Variants in RPGRIP1 observed in about 807,000 individuals in gnomAD.
The protein encoded by RPGRIP1 is RPGR interacting protein 1.
RPGRIP1 carries 128 observed loss-of-function variants against 157.9 expected under a neutral mutation model. That is an observed-to-expected ratio of 0.81 (90% CI 0.70 to 0.94). The LOEUF is 0.94. Among genes scored for constraint, RPGRIP1 ranks in the 40% least tolerant of loss-of-function variants. The pLI is 0.00. For missense variants in RPGRIP1, 1,486 were observed against 1,545.8 expected (o/e 0.96, Z 0.65); for synonymous variants, 554 against 571.6 (o/e 0.97, Z 0.44).
chr14:21,294,452 A>T (rs970519115), intron 2 of RPGRIP1, among the ~76,000 whole-genome samples: 10 of 151,520 alleles, frequency 6.6e-5, no homozygotes, highest in Non-Finnish European at 1.0e-4. Context: ...CTGGACTCGA[A>T]CTCCTGACCT....
At chr14:21,300,067 G>A (rs151332199) in intron 3 of RPGRIP1, among the ~76,000 whole-genome samples, 4,145 of 152,250 alleles carry the variant, frequency 0.027, 186 homozygotes, top group African/African-American at 0.095. Flanking sequence ...AGGCCAAGGC[G>A]GGCGAATCAC....
intron 23 of RPGRIP1, among the ~76,000 whole-genome samples, chr14:21,347,566 C>A (rs1885691230): frequency 6.6e-6 from 1 of 152,008 alleles, no homozygotes; most frequent in African/African-American, 2.4e-5. Context: ...ATTTTTAGTC[C>A]TATTCCTGGC....
intron 2 of RPGRIP1, among the ~76,000 whole-genome samples, chr14:21,288,541 A>C (rs1462708881): frequency 7.5e-6 from 1 of 132,936 alleles, no homozygotes; most frequent in East Asian, 2.2e-4. Flanking sequence ...ATGGAGTTTC[A>C]CTCTCTCTCG....
At chr14:21,310,795 G>C in intron 8 of RPGRIP1, 188 bp downstream of exon 8, 1 of 678,960 alleles carries the variant, frequency 1.5e-6, no homozygotes, top group South Asian at 1.5e-5. Context: ...TTATTGCACT[G>C]TTTTCATAAA....
At position 21,337,980 on chromosome 14, in the gene RPGRIP1, G is replaced by A. The variant is rs910668485; in HGVS notation, c.3339+3275G>A. On this transcript the variant is annotated intron_variant, in intron 21 of 24. Transcript: ENST00000400017. Reference sequence around the variant, plus strand: ...CACCCAGGCTAGAGTGCAGTGGTGCGATATCGGCTCACTGCAACCTCCGCC... The same window carrying A: ...CACCCAGGCTAGAGTGCAGTGGTGCAATATCGGCTCACTGCAACCTCCGCC... 2.0e-5 allele frequency among the ~76,000 whole-genome samples: 3 copies of A among 150,648 alleles called. No homozygotes were observed. In the South Asian group the frequency reaches 6.3e-4, roughly 32 times the overall value.
rs189706036 is a variant in RPGRIP1, at chr14:21,291,068, A to G, written c.85+3007A>G. Among the ~76,000 whole-genome samples, 40 of 152,028 alleles carry G rather than the reference A, an allele frequency of 2.6e-4. No individual in the cohort carries two copies. The East Asian group carries it at 7.1e-3, about 27-fold the overall frequency. ...TTGCATTTCTCTGATGAATAATCAC[A>G]CTGACCATTTTTCATATGCTTATTT... On this transcript the variant is annotated intron_variant, in intron 2 of 24. Coordinates refer to ENST00000400017, the MANE Select transcript of RPGRIP1 (RefSeq NM_020366.4).
chr14:21,288,671 C>T (rs554489512), intron 2 of RPGRIP1, among the ~76,000 whole-genome samples: 112 of 151,668 alleles, frequency 7.4e-4, no homozygotes, highest in African/African-American at 2.4e-3. Context: ...GCCACCACCA[C>T]GCTTGGCTAA....
At chr14:21,310,978 T>C in intron 8 of RPGRIP1, 1 of 517,056 alleles carries the variant, frequency 1.9e-6, no homozygotes, top group Non-Finnish European at 3.8e-6. Context: ...CTTAAATATT[T>C]GGCCCTATTC....
chr14:21,344,277 C>A lies in RPGRIP1; in HGVS notation c.3533-836C>A, dbSNP rs571672465. The stretch of plus-strand genomic sequence containing the variant: ...ATTTTTTGCAGCAATTTTTCATTCG[C>A]CTTATTTTCATTATACATATTGTAA... On this transcript the variant is annotated intron_variant, in intron 22 of 24. Transcript: ENST00000400017. Among the ~76,000 whole-genome samples, 28 of 152,186 alleles carry A rather than the reference C, an allele frequency of 1.8e-4. No individual in the cohort carries two copies. The South Asian group carries it at 5.6e-3, about 30-fold the overall frequency.
At chr14:21,346,536 A>G (rs984401234) in intron 23 of RPGRIP1, among the ~76,000 whole-genome samples, 2 of 152,200 alleles carry the variant, frequency 1.3e-5, no homozygotes, top group African/African-American at 4.8e-5. Flanking sequence ...TGGGTGACAA[A>G]GCAGACTCTG....
At chr14:21,299,582 A>G (rs1880938335) in intron 3 of RPGRIP1, among the ~76,000 whole-genome samples, 1 of 152,178 alleles carries the variant, frequency 6.6e-6, no homozygotes, top group Admixed American at 6.6e-5. Context: ...AGCATTTTAC[A>G]TATATATTTA....
chr14:21,327,417 C>T (rs559127131), intron 17 of RPGRIP1, among the ~76,000 whole-genome samples: 2 of 152,280 alleles, frequency 1.3e-5, no homozygotes, highest in African/African-American at 2.4e-5. Context: ...AGAGATAACC[C>T]ATCTTCCCTG....
chr14:21,309,844 GT>G (rs201016898), intron 7 of RPGRIP1, among the ~76,000 whole-genome samples: 3 of 142,530 alleles, frequency 2.1e-5, no homozygotes, highest in African/African-American at 7.8e-5. Flanking sequence ...TAAAAAAAAA[GT>G]TTGGGAGGCT....
intron 21 of RPGRIP1, among the ~76,000 whole-genome samples, chr14:21,338,904 C>T (rs943083231): frequency 6.6e-6 from 1 of 152,004 alleles, no homozygotes; most frequent in Non-Finnish European, 1.5e-5. Context: ...TTTGGGAGGT[C>T]GAGGCGGGCG....
chr14:21,316,241 C>T (rs1314650598), intron 10 of RPGRIP1, among the ~76,000 whole-genome samples: 3 of 151,586 alleles, frequency 2.0e-5, no homozygotes, highest in Middle Eastern at 3.4e-3. Context: ...CCTCCCAAAG[C>T]ACTGGAATTA....
intron 3 of RPGRIP1, among the ~76,000 whole-genome samples, chr14:21,298,155 A>G (rs1880874323): frequency 1.3e-5 from 2 of 151,988 alleles, no homozygotes; most frequent in African/African-American, 2.4e-5. Context: ...GTATCATTCT[A>G]TCATGGTTTT....
chr14:21,321,230 C>T (rs532534314), intron 12 of RPGRIP1, 29 bp from the exon 13 acceptor site: 1 of 1,601,304 alleles, frequency 6.2e-7, no homozygotes, highest in South Asian at 1.1e-5. Context: ...TATTTATACT[C>T]CCTTTTACCA....
At position 21,301,248 on chromosome 14, in the gene RPGRIP1, A is replaced by C. The variant is rs200740893; in HGVS notation, c.490+11A>C. On this transcript the variant is annotated intron_variant, in intron 4 of 24. Coordinates refer to ENST00000400017, the MANE Select transcript of RPGRIP1 (RefSeq NM_020366.4). Reference sequence around the variant, plus strand: ...AGAAACCCAAGAGGGGTGAGATTTAAGGCTACATCCCCTACAGGGCTAAGA... The same window carrying C: ...AGAAACCCAAGAGGGGTGAGATTTACGGCTACATCCCCTACAGGGCTAAGA... 6.5e-4 allele frequency: 1,022 copies of C among 1,575,908 alleles called. 4 individuals carry two copies. In the Admixed American group the frequency reaches 9.2e-3, roughly 14 times the overall value.
chr14:21,349,399 C>CTTT (rs71112577), intron 24 of RPGRIP1, among the ~76,000 whole-genome samples: 1 of 82,010 alleles, frequency 1.2e-5, no homozygotes. Flanking sequence ...TAATTTCTTT[C>CTTT]TTTTTTTTTT....
Sources: allele counts gnomAD v4.1 joint callset (sites outside exome capture counted in the v4.1 genomes callset), GRCh38; gene constraint gnomAD v4.1.1; transcripts MANE v1.5; gene names NCBI Gene and HGNC (gene_info 2026-07-23, HGNC 2026-07-21).